The following PGPEP1L variants were observed in gnomAD, a reference collection of about 807,000 sequenced individuals.
PGPEP1L encodes pyroglutamyl-peptidase I like.
Under a neutral mutation model 6.0 loss-of-function variants are expected in PGPEP1L, and 7 were observed. The observed-to-expected ratio is 1.17, with a 90% confidence interval of 0.66 to 2.19. PGPEP1L has a LOEUF of 2.19. Among genes scored for constraint, PGPEP1L ranks in the 30% most tolerant of loss-of-function variants. The pLI, the probability that PGPEP1L is intolerant of heterozygous loss-of-function variation, is 0.00. For missense variants in PGPEP1L, 209 were observed against 192.5 expected (o/e 1.09, Z -0.51); for synonymous variants, 103 against 83.9 (o/e 1.23, Z -1.24).
intron 2 of PGPEP1L, among the ~76,000 whole-genome samples, chr15:98,999,525 AT>A (rs554450150): frequency 4.6e-5 from 7 of 151,718 alleles, no homozygotes; most frequent in Admixed American, 2.0e-4. Context: ...TAGTTTGACA[AT>A]TTTTTTTTAA....
intron 2 of PGPEP1L, among the ~76,000 whole-genome samples, chr15:98,978,101 T>G (rs74032139): frequency 0.019 from 2,961 of 152,300 alleles, 110 homozygotes; most frequent in African/African-American, 0.067. Flanking sequence ...TCCCCATCTC[T>G]TGGGGACCCA....
At chr15:98,989,505 T>G (rs1036005233) in intron 2 of PGPEP1L, among the ~76,000 whole-genome samples, 1 of 152,194 alleles carries the variant, frequency 6.6e-6, no homozygotes, top group African/African-American at 2.4e-5. Context: ...TACGTTTGAT[T>G]GGTGTACCTG....
chr15:98,968,520 G>T lies in PGPEP1L; in HGVS notation c.387C>A (p.Phe129Leu), dbSNP rs376920074. 2 of 1,613,572 alleles carry T rather than the reference G, an allele frequency of 1.2e-6. No homozygotes were observed. Among genetic ancestry groups the T allele is most frequent in the East Asian group, 2.2e-5 (1 of 44,860 alleles). ...EVGKPKHRAQ[F>L]EENSTMVLPA... ...GAAGGACCATGGTTGAGTTTTCTTC[G>T]AACTGGGCTCTGTGCTTGGGCTTTC... The change falls in exon 5 of 5, where the codon TTC becomes TTA. Residue 129 changes from phenylalanine (F) to leucine (L), a missense_variant. By Grantham distance (22) the Phe-to-Leu change is conservative. Transcript: ENST00000535714.
intron 2 of PGPEP1L, among the ~76,000 whole-genome samples, chr15:98,989,489 C>A (rs931142289): frequency 2.6e-5 from 4 of 152,128 alleles, no homozygotes; most frequent in Admixed American, 6.5e-5. Context: ...GTGAAAAGAA[C>A]AAATCTACGT....
intron 2 of PGPEP1L, among the ~76,000 whole-genome samples, chr15:98,997,463 G>C (rs900173744): frequency 6.6e-6 from 1 of 152,186 alleles, no homozygotes; most frequent in Non-Finnish European, 1.5e-5. Context: ...ATAAGCAGTT[G>C]GCGGTGTGTC....
At chr15:98,997,788 C>G (rs143377090) in intron 2 of PGPEP1L, among the ~76,000 whole-genome samples, 2 of 152,076 alleles carry the variant, frequency 1.3e-5, no homozygotes, top group African/African-American at 2.4e-5. Context: ...GACTTTCCCC[C>G]GGGCCCCATA....
chr15:98,972,000 AT>A (rs778194219), intron 2 of PGPEP1L, among the ~76,000 whole-genome samples: 82 of 152,250 alleles, frequency 5.4e-4, no homozygotes, highest in African/African-American at 1.9e-3. Flanking sequence ...TAACTATCCA[AT>A]TTTTTTATAA....
intron 3 of PGPEP1L, among the ~76,000 whole-genome samples, chr15:98,970,195 C>T (rs895859647): frequency 3.3e-5 from 5 of 151,366 alleles, no homozygotes; most frequent in African/African-American, 7.2e-5. Context: ...ACTACAGGTG[C>T]ACCACGCCCA....
chr15:99,000,159 G>A (rs147087522), intron 2 of PGPEP1L, among the ~76,000 whole-genome samples: 16 of 152,214 alleles, frequency 1.1e-4, no homozygotes, highest in African/African-American at 2.7e-4. Context: ...GGCCAGCCCC[G>A]CCGGCCCCAG....
chr15:98,968,413 T>C lies in PGPEP1L; in HGVS notation c.*65A>G. The C allele has an allele frequency of 2.0e-6, 3 of 1,504,570 alleles. No homozygotes were observed. Among genetic ancestry groups the C allele is most frequent in the East Asian group, 2.4e-5 (1 of 42,124 alleles). 93.2% of individuals were successfully genotyped at this position (1,504,570 alleles called of 1,614,324 possible). On this transcript the variant is annotated 3_prime_UTR_variant, in exon 5 of 5. Transcript: ENST00000535714. ...AGCAATTTTTGAAAAAGTTTCTCAA[T>C]GCACAGTTGAGTGCTACATACAGGA...
intron 2 of PGPEP1L, among the ~76,000 whole-genome samples, chr15:99,001,804 G>A (rs879986084): frequency 6.6e-6 from 1 of 152,004 alleles, no homozygotes; most frequent in Non-Finnish European, 1.5e-5. Context: ...TGCAACCTCC[G>A]CCTCCTGGGT....
intron 4 of PGPEP1L, 37 bp downstream of exon 4, chr15:98,969,388 C>G (rs772982834): frequency 6.2e-7 from 1 of 1,611,502 alleles, no homozygotes; most frequent in Middle Eastern, 1.7e-4. Context: ...TTGCTTCTCT[C>G]CTACCTGCTC....
At chr15:98,973,595 G>A (rs1176924739) in intron 2 of PGPEP1L, among the ~76,000 whole-genome samples, 3 of 152,144 alleles carry the variant, frequency 2.0e-5, no homozygotes. Flanking sequence ...TAAACAGCAT[G>A]CTCCTGGACA....
rs572859327 is a variant in PGPEP1L at position 98,989,359 on chromosome 15, C to T, written c.-142+16070G>A. On this transcript the variant is annotated intron_variant, in intron 2 of 4. Coordinates refer to ENST00000535714, the MANE Select transcript of PGPEP1L (RefSeq NM_001167902.2). ...CATACACAAGTATCAAAAGCTGAAT[C>T]GATCAAGTGGAAGAAAGGATATCAA... 9.2e-5 allele frequency among the ~76,000 whole-genome samples: 14 copies of T among 152,150 alleles called. No individual in the cohort carries two copies. In the East Asian group the frequency reaches 1.7e-3, roughly 19 times the overall value.
rs1394615880 is a variant in PGPEP1L at position 99,005,493 on chromosome 15, C to T, written c.-206G>A. ...CGAAGTGGGAGCTCGCGCTGCGCCT[C>T]CCTGGCTCAGGCAGCGGCCCAGCGG... On this transcript the variant is annotated 5_prime_UTR_variant, in exon 2 of 5. Coordinates refer to ENST00000535714, the MANE Select transcript of PGPEP1L (RefSeq NM_001167902.2). The T allele has an allele frequency of 1.3e-5, 2 of 152,472 alleles. No individual in the cohort carries two copies. Among genetic ancestry groups the T allele is most frequent in the African/African-American group, 4.8e-5 (2 of 41,474 alleles). The allele number at this position is 152,472 out of a possible 1,614,324, so 9.4% of individuals were successfully genotyped here.
At chr15:98,980,713 C>T (rs1238559771) in intron 2 of PGPEP1L, among the ~76,000 whole-genome samples, 1 of 151,974 alleles carries the variant, frequency 6.6e-6, no homozygotes, top group East Asian at 1.9e-4. Flanking sequence ...GGACGGATCA[C>T]CTGAGGTCAG....
intron 2 of PGPEP1L, among the ~76,000 whole-genome samples, chr15:98,989,235 GA>G (rs1485239625): frequency 6.6e-6 from 1 of 151,990 alleles, no homozygotes; most frequent in Non-Finnish European, 1.5e-5. Flanking sequence ...TAAGAACCTT[GA>G]AAAAAGGTTA....
At position 98,998,795 on chromosome 15, in the gene PGPEP1L, T is replaced by C. The variant is rs150745809; in HGVS notation, c.-142+6634A>G. ...GAGTTCGAGACCAGCCTGGCCAACA[T>C]GGCGAAACCCCGTCTCTACTAAATA... On this transcript the variant is annotated intron_variant, in intron 2 of 4. Coordinates refer to ENST00000535714, the MANE Select transcript of PGPEP1L (RefSeq NM_001167902.2). Among the ~76,000 whole-genome samples the C allele has an allele frequency of 1.9e-4, 29 of 152,232 alleles. No individual in the cohort carries two copies. In the East Asian group the frequency reaches 5.2e-3, roughly 27 times the overall value.
intron 1 of PGPEP1L, among the ~76,000 whole-genome samples, chr15:99,006,003 C>G (rs1452618515): frequency 1.3e-5 from 2 of 152,158 alleles, no homozygotes; most frequent in Non-Finnish European, 2.9e-5. Flanking sequence ...TTTGATTGCT[C>G]TGAAAACTAA....
Sources: gnomAD v4.1 joint callset for allele counts (sites outside exome capture counted in the v4.1 genomes callset) on GRCh38, gnomAD v4.1.1 for gene constraint, MANE v1.5 for transcripts, NCBI Gene and HGNC (gene_info 2026-07-23, HGNC 2026-07-21) for gene names.